WRN: variants seen among roughly 807,000 people sequenced by gnomAD.
The protein encoded by WRN is bifunctional 3'-5' exonuclease/ATP-dependent helicase WRN.
In WRN, 149 loss-of-function variants were observed where a neutral mutation model predicts 180.7. The observed-to-expected ratio is 0.82, with a 90% CI of 0.72 to 0.94. The LOEUF (loss-of-function observed/expected upper bound fraction) is 0.94. Among genes scored for constraint, WRN ranks in the 40% least tolerant of loss-of-function variants. WRN has a pLI of 0.00. For missense variants in WRN, 1,661 were observed against 1,700.1 expected (o/e 0.98, Z 0.40); for synonymous variants, 548 against 568.9 (o/e 0.96, Z 0.52).
intron 33 of WRN, 87 bp from the exon 34 acceptor site, chr8:31,166,935 C>A: frequency 7.6e-7 from 1 of 1,315,304 alleles, no homozygotes; most frequent in Non-Finnish European, 1.1e-6. Flanking sequence ...TTCCTTTCTA[C>A]AGAATATTTC....
At chr8:31,102,972 T>G (rs1416449532) in intron 18 of WRN, among the ~76,000 whole-genome samples, 1 of 152,172 alleles carries the variant, frequency 6.6e-6, no homozygotes, top group Non-Finnish European at 1.5e-5. Context: ...CTTCCTTGAT[T>G]AATGCATTCC....
intron 26 of WRN, 96 bp downstream of exon 26, chr8:31,141,871 A>C: frequency 8.3e-7 from 1 of 1,200,772 alleles, no homozygotes; most frequent in Non-Finnish European, 1.2e-6. Context: ...CACAAGTAAA[A>C]TGAATTACCT....
At chr8:31,076,370 A>C in intron 8 of WRN, 83 bp downstream of exon 8, 1 of 1,180,608 alleles carries the variant, frequency 8.5e-7, no homozygotes, top group African/African-American at 1.5e-5. Flanking sequence ...GAAGAATACT[A>C]TTCATTAAGG....
intron 22 of WRN, 86 bp from the exon 23 acceptor site, chr8:31,124,822 G>A: frequency 7.4e-7 from 1 of 1,353,090 alleles, no homozygotes; most frequent in South Asian, 1.2e-5. Context: ...ATCAATTAAT[G>A]GTGATTTTAC....
At position 31,052,032 on chromosome 8, in the gene WRN, ACTT is replaced by A. The variant is rs1812094456; in HGVS notation, c.-76-6336_-76-6334del. Among the ~76,000 whole-genome samples, 8 of 152,324 alleles carry A rather than the reference ACTT, an allele frequency of 5.3e-5. No individual in the cohort carries two copies. The East Asian group carries it at 1.5e-3, about 29-fold the overall frequency. On this transcript the variant is annotated intron_variant, in intron 1 of 34. Transcript: ENST00000298139. ...TTGTTATGCTTAAGTATTGTTTATG[ACTT>A]CTTTGCTATAGTGACAAACTTGAGT...
At chr8:31,069,554 G>T (rs1010250649) in intron 7 of WRN, among the ~76,000 whole-genome samples, 2 of 152,192 alleles carry the variant, frequency 1.3e-5, no homozygotes, top group African/African-American at 4.8e-5. Flanking sequence ...GAAGTGATGC[G>T]TAGGCATTTT....
At chr8:31,157,150 T>C (rs1346498953) in intron 32 of WRN, among the ~76,000 whole-genome samples, 1 of 152,210 alleles carries the variant, frequency 6.6e-6, no homozygotes, top group Non-Finnish European at 1.5e-5. Context: ...TTTTGTTTTA[T>C]TCAATACAGT....
chr8:31,073,334 T>G (rs761261221), intron 7 of WRN, among the ~76,000 whole-genome samples: 5 of 152,182 alleles, frequency 3.3e-5, no homozygotes, highest in Non-Finnish European at 7.3e-5. Context: ...GTGAAGGATT[T>G]GCTGATGAAT....
chr8:31,092,683 A>T (rs886482664), intron 16 of WRN, among the ~76,000 whole-genome samples: 5 of 151,880 alleles, frequency 3.3e-5, no homozygotes, highest in African/African-American at 1.2e-4. Flanking sequence ...GCATACAAAG[A>T]TGTAAACCAA....
intron 18 of WRN, 120 bp from the exon 19 acceptor site, chr8:31,111,495 T>C (rs1801313091): frequency 1.6e-6 from 2 of 1,228,046 alleles, no homozygotes; most frequent in African/African-American, 1.5e-5. Context: ...ATTTTACAGT[T>C]GTGTCTTTAA....
At chr8:31,134,737 A>G (rs75097279) in intron 24 of WRN, among the ~76,000 whole-genome samples, 1 of 152,212 alleles carries the variant, frequency 6.6e-6, no homozygotes, top group African/African-American at 2.4e-5. Context: ...TTGATAATAC[A>G]TGATTTGACT....
At chr8:31,082,352 G>A (rs1813350160) in intron 9 of WRN, among the ~76,000 whole-genome samples, 1 of 152,032 alleles carries the variant, frequency 6.6e-6, no homozygotes, top group Non-Finnish European at 1.5e-5. Flanking sequence ...AATAATTTTA[G>A]CATTTGAGCA....
chr8:31,167,139 G>A lies in WRN; in HGVS notation c.4100G>A (p.Cys1367Tyr), dbSNP rs781583408. The A allele has an allele frequency of 2.1e-5, 34 of 1,613,208 alleles. No individual in the cohort carries two copies. The highest frequency in any genetic ancestry group is 2.5e-5 in the Non-Finnish European group (30 of 1,179,520). ...HGPDSGLQPS[C>Y]DVNKRRCFPG... is the part of the protein sequence containing the mutation. ...CCTGACAGCGGACTTCAACCTTCAT[G>A]TGATGTCAACAAAAGGAGATGTTTT... The change falls in exon 34 of 35, where the codon TGT (cysteine) becomes TAT (tyrosine). Residue 1367 changes from cysteine to tyrosine, a missense_variant. By Grantham distance (194) the Cys-to-Tyr change is radical (BLOSUM62 -2). Transcript: ENST00000298139.
intron 4 of WRN, 78 bp downstream of exon 4, chr8:31,064,512 T>G (rs1351301197): frequency 6.3e-7 from 1 of 1,588,584 alleles, no homozygotes; most frequent in Non-Finnish European, 8.6e-7. Flanking sequence ...ATTAAGTTCT[T>G]TTATTAGCTG....
chr8:31,142,739 T>A, intron 27 of WRN, 38 bp downstream of exon 27: 1 of 1,488,626 alleles, frequency 6.7e-7, no homozygotes, highest in Non-Finnish European at 9.3e-7. Flanking sequence ...TATTTCATTC[T>A]TTATTGATTC....
chr8:31,044,060 T>A (rs1225125871), intron 1 of WRN, among the ~76,000 whole-genome samples: 1 of 152,216 alleles, frequency 6.6e-6, no homozygotes, highest in Non-Finnish European at 1.5e-5. Flanking sequence ...GTTTTTTTTT[T>A]AGACGGAGTC....
intron 34 of WRN, among the ~76,000 whole-genome samples, chr8:31,170,221 C>T (rs1467226742): frequency 6.6e-6 from 1 of 152,012 alleles, no homozygotes; most frequent in Non-Finnish European, 1.5e-5. Flanking sequence ...CTATCTAGTT[C>T]TGTCTTAATT....
Position 31,067,195 on chromosome 8 carries a change from A to T in WRN, c.654+13A>T, listed in dbSNP as rs761918478. 1 of 1,613,096 alleles carries T rather than the reference A, an allele frequency of 6.2e-7. No homozygotes were observed. The highest frequency in any genetic ancestry group is 1.1e-5 in the South Asian group (1 of 91,068). On this transcript the variant is annotated intron_variant, in intron 6 of 34. Coordinates refer to ENST00000298139, the MANE Select transcript of WRN (RefSeq NM_000553.6). Reference sequence around the variant, plus strand: ...CACTGATGCTTATGTACGTGCTTAAAGATCTTTAGAAATTGTGATGTGTTT... The same window carrying T: ...CACTGATGCTTATGTACGTGCTTAATGATCTTTAGAAATTGTGATGTGTTT...
chr8:31,144,356 G>A (rs1802779426), intron 28 of WRN, among the ~76,000 whole-genome samples: 1 of 136,118 alleles, frequency 7.3e-6, no homozygotes, highest in African/African-American at 2.8e-5. Context: ...TTTTTTTCGA[G>A]ACTGAGTCTC....
Sources: gnomAD v4.1 joint callset for allele counts (sites outside exome capture counted in the v4.1 genomes callset) on GRCh38, gnomAD v4.1.1 for gene constraint, MANE v1.5 for transcripts, NCBI Gene and HGNC (gene_info 2026-07-23, HGNC 2026-07-21) for gene names.